Variants in TRIM34 observed in about 807,000 individuals in gnomAD.
The protein encoded by TRIM34 is E3 ubiquitin-protein ligase TRIM34.
A neutral mutation model predicts 38.1 loss-of-function variants in TRIM34; 41 were observed. That is an observed-to-expected ratio of 1.08 (90% CI 0.84 to 1.40). The LOEUF (loss-of-function observed/expected upper bound fraction) is 1.40. Among genes scored for constraint, TRIM34 ranks in the 40% most tolerant of loss-of-function variants. TRIM34 has a pLI of 0.00. For missense variants in TRIM34, 556 were observed against 571.4 expected (o/e 0.97, Z 0.27); for synonymous variants, 200 against 202.5 (o/e 0.99, Z 0.10).
chr11:5,637,982 A>G (rs1187461842), intron 4 of TRIM34, among the ~76,000 whole-genome samples: 1 of 152,238 alleles, frequency 6.6e-6, no homozygotes, highest in African/African-American at 2.4e-5. Flanking sequence ...CTTGCAAGAA[A>G]GACTAGCATG....
At position 5,643,125 on chromosome 11, in the gene TRIM34, A is replaced by ATATATATTTT. The variant is rs1554923130; in HGVS notation, c.902-18_902-17insATATATTTTT. 53 of 974,488 alleles carry ATATATATTTT rather than the reference A, an allele frequency of 5.4e-5. No individual in the cohort carries two copies. The highest frequency in any genetic ancestry group is 5.8e-5 in the Non-Finnish European group (44 of 761,814). The allele number at this position is 974,488 out of a possible 1,614,324, so 60.4% of individuals were successfully genotyped here. Reference sequence around the variant, plus strand: ...ATTATATTCATATACATATATATATATTTTTTTTTTTCTTGCAGTGGATGT... The same window carrying ATATATATTTT: ...ATTATATTCATATACATATATATATATATATATTTTTTTTTTTTTTTCTTGCAGTGGATGT... On this transcript the variant is annotated intron_variant, in intron 7 of 7. Coordinates refer to ENST00000429814, the MANE Select transcript of TRIM34 (RefSeq NM_021616.6).
At position 5,644,038 on chromosome 11, in the gene TRIM34, G is replaced by A; in HGVS notation, c.*329G>A. 2.3e-6 allele frequency: 1 copy of A among 434,792 alleles called. No homozygotes were observed. Among genetic ancestry groups the A allele is most frequent in the South Asian group, 8.6e-5 (1 of 11,654 alleles). 26.9% of individuals were successfully genotyped at this position (434,792 alleles called of 1,614,324 possible). On this transcript the variant is annotated 3_prime_UTR_variant, in exon 8 of 8. Coordinates refer to ENST00000429814, the MANE Select transcript of TRIM34 (RefSeq NM_021616.6). The stretch of plus-strand genomic sequence containing the variant: ...TGTTAGCCACCATCCATGCTACCTA[G>A]GTAGTCCATAGGAACCACCCCCATG...
chr11:5,627,715 G>A (rs1849307268), intron 1 of TRIM34, among the ~76,000 whole-genome samples: 1 of 152,168 alleles, frequency 6.6e-6, no homozygotes. Context: ...GAATGGGGAG[G>A]AGATGCTACA....
Position 5,643,644 on chromosome 11 carries a change from G to A in TRIM34, c.1402G>A (p.Val468Ile). Residue 468 changes from valine (V) to isoleucine (I), a missense_variant, in exon 8 of 8, where the codon GTT (valine) becomes ATT (isoleucine). Transcript: ENST00000429814. ...KFSKCCFSQP[V>I]YPYFNPWNCP... ...CTCTAAATGTTGCTTTTCTCAGCCT[G>A]TTTATCCATATTTCAATCCTTGGAA... 1 of 1,613,982 alleles carries A rather than the reference G, an allele frequency of 6.2e-7. No individual in the cohort carries two copies. The highest frequency in any genetic ancestry group is 8.5e-7 in the Non-Finnish European group (1 of 1,179,980).
chr11:5,620,842 C>A (rs1195783787), upstream of TRIM34, among the ~76,000 whole-genome samples: 7 of 152,194 alleles, frequency 4.6e-5, no homozygotes, highest in South Asian at 2.1e-4. Flanking sequence ...AGTGAGATAG[C>A]AAGGCAAAAG....
intron 4 of TRIM34, among the ~76,000 whole-genome samples, chr11:5,638,473 GTTGTACACCAGC>G (rs1231679490): frequency 6.6e-6 from 1 of 150,666 alleles, no homozygotes; most frequent in African/African-American, 2.5e-5. Flanking sequence ...CATTTATTTG[GTTGTACACCAGC>G]TGGTGTCATG....
intron 1 of TRIM34, among the ~76,000 whole-genome samples, chr11:5,625,954 A>T (rs1187224150): frequency 6.6e-6 from 1 of 152,252 alleles, no homozygotes; most frequent in Non-Finnish European, 1.5e-5. Context: ...TCTTCTTGTT[A>T]AGAATTTGAT....
chr11:5,642,900 G>A, intron 7 of TRIM34, 57 bp downstream of exon 7: 1 of 1,605,204 alleles, frequency 6.2e-7, no homozygotes, highest in Non-Finnish European at 8.5e-7. Context: ...AGAAGTTTAT[G>A]GTTTCAATGA....
intron 1 of TRIM34, among the ~76,000 whole-genome samples, chr11:5,627,609 A>C (rs1284797909): frequency 6.6e-6 from 1 of 152,246 alleles, no homozygotes; most frequent in Non-Finnish European, 1.5e-5. Context: ...TATATTGACC[A>C]GAACACTACA....
chr11:5,635,393 T>C lies in TRIM34; in HGVS notation c.750+532T>C, dbSNP rs535756089. 5.9e-5 allele frequency among the ~76,000 whole-genome samples: 9 copies of C among 152,102 alleles called. No individual in the cohort carries two copies. The South Asian group carries it at 1.9e-3, about 32-fold the overall frequency. Reference sequence around the variant, plus strand: ...GCCCAGCATCCCGAGTAGCTGGGACTACAGGCACCCACCACCACGTCTGGC... The same window carrying C: ...GCCCAGCATCCCGAGTAGCTGGGACCACAGGCACCCACCACCACGTCTGGC... On this transcript the variant is annotated intron_variant, in intron 4 of 7. Coordinates refer to ENST00000429814, the MANE Select transcript of TRIM34 (RefSeq NM_021616.6).
chr11:5,621,177 C>A (rs574736045), upstream of TRIM34, among the ~76,000 whole-genome samples: 57 of 152,310 alleles, frequency 3.7e-4, no homozygotes, highest in Middle Eastern at 3.4e-3. Flanking sequence ...GCCCGAGGCT[C>A]TGGATCACTC....
Position 5,634,842 on chromosome 11 carries a change from C to T in TRIM34, c.731C>T (p.Ser244Leu). 1.9e-6 allele frequency: 3 copies of T among 1,612,660 alleles called. No individual in the cohort carries two copies. Among genetic ancestry groups the T allele is most frequent in the Non-Finnish European group, 2.5e-6 (3 of 1,179,266 alleles). ...ISDVECRSQW[S>L]TMELLQDMSG... ...GATGTGGAGTGTCGGAGTCAGTGGT[C>T]AACAATGGAGCTGCTGCAGGTAAGA... Residue 244 changes from serine (S) to leucine (L), a missense_variant, in exon 4 of 8, where the codon TCA (serine) becomes TTA (leucine). By Grantham distance (145) the Ser-to-Leu change is moderately radical. Transcript: ENST00000429814.
chr11:5,634,492 TACAC>T (rs3060967), intron 3 of TRIM34, 135 bp from the exon 4 acceptor site: 18,939 of 226,440 alleles, frequency 0.084, 485 homozygotes, highest in Non-Finnish European at 0.092. Flanking sequence ...ATAATATAAA[TACAC>T]ACACACACAC....
chr11:5,624,189 C>T (rs189108814), upstream of TRIM34, among the ~76,000 whole-genome samples: 19 of 152,308 alleles, frequency 1.2e-4, no homozygotes, highest in African/African-American at 4.3e-4. Context: ...TAGTGGTTCT[C>T]AGCCTCAGAT....
In TRIM34 at chr11:5,643,868, T is replaced by C. The variant is rs1850132143; in HGVS notation, c.*159T>C. 1.1e-6 allele frequency: 1 copy of C among 932,420 alleles called. No homozygotes were observed. The highest frequency in any genetic ancestry group is 2.6e-5 in the East Asian group (1 of 38,624). The allele number at this position is 932,420 out of a possible 1,614,324, so 57.8% of individuals were successfully genotyped here. On this transcript the variant is annotated 3_prime_UTR_variant, in exon 8 of 8. Transcript: ENST00000429814. ...TGTATTTGGCTTGAGTTATGAGAGA[T>C]GCTTATTTATTCATTTACTCTTTTT...
chr11:5,635,316 T>C (rs967618079), intron 4 of TRIM34, among the ~76,000 whole-genome samples: 4 of 149,856 alleles, frequency 2.7e-5, no homozygotes, highest in African/African-American at 4.9e-5. Context: ...AGTGCAGTGG[T>C]GCGATCTCGG....
intron 2 of TRIM34, 53 bp from the exon 3 acceptor site, chr11:5,633,751 C>G: frequency 1.3e-6 from 2 of 1,559,336 alleles, no homozygotes; most frequent in Non-Finnish European, 8.7e-7. Flanking sequence ...TGTCCTCTAT[C>G]CAGATACTAA....
upstream of TRIM34, among the ~76,000 whole-genome samples, chr11:5,623,370 T>A (rs995095364): frequency 1.3e-5 from 2 of 151,892 alleles, no homozygotes; most frequent in Admixed American, 6.6e-5. Flanking sequence ...TGTTTATTTT[T>A]ATTTTTTTAT....
At chr11:5,622,438 A>C (rs1206009525), upstream of TRIM34, among the ~76,000 whole-genome samples, 2 of 137,676 alleles carry the variant, frequency 1.5e-5, no homozygotes, top group East Asian at 4.7e-4. Flanking sequence ...GAGCGAGACT[A>C]CCTCTCAAAA....
Sources: allele counts gnomAD v4.1 joint callset (sites outside exome capture counted in the v4.1 genomes callset), GRCh38; gene constraint gnomAD v4.1.1; transcripts MANE v1.5; gene names NCBI Gene and HGNC (gene_info 2026-07-23, HGNC 2026-07-21).